PLCE1: variants seen among roughly 807,000 people sequenced by gnomAD.
The protein encoded by PLCE1 is phospholipase C epsilon 1, also known as 1-phosphatidylinositol 4,5-bisphosphate phosphodiesterase epsilon-1.
In PLCE1, 119 loss-of-function variants were observed where a neutral mutation model predicts 242.8. The observed-to-expected ratio is 0.49, with a 90% CI of 0.42 to 0.57. The LOEUF (loss-of-function observed/expected upper bound fraction) is 0.57. PLCE1 is among the 20% of genes least tolerant of loss of function. PLCE1 has a pLI of 0.00. For synonymous variants in PLCE1, 945 were observed against 1,017.4 expected (o/e 0.93, Z 1.35); for missense variants, 2,441 against 2,788.8 (o/e 0.88, Z 2.81).
At chr10:94,071,495 G>GTTTTTTTTTGTTTTTTTTGTTT (rs2044352554) in intron 2 of PLCE1, among the ~76,000 whole-genome samples, 1 of 83,314 alleles carries the variant, frequency 1.2e-5, no homozygotes, top group African/African-American at 5.4e-5. Flanking sequence ...TTTGGTTTTC[G>GTTTTTTTTTGTTTTTTTTGTTT]TTTTTTTTTT....
chr10:94,007,760 TC>T (rs78628241), intron 1 of PLCE1, among the ~76,000 whole-genome samples: 70,830 of 142,196 alleles, frequency 0.5, 18,421 homozygotes, highest in East Asian at 0.73. Context: ...TAGACTTTTT[TC>T]TATGTATTTA....
intron 2 of PLCE1, among the ~76,000 whole-genome samples, chr10:94,057,482 T>A (rs1262372581): frequency 6.6e-6 from 1 of 152,224 alleles, no homozygotes; most frequent in Non-Finnish European, 1.5e-5. Flanking sequence ...ATGACATTTG[T>A]ATGCATGTCT....
At chr10:94,193,544 T>C (rs2048732562) in intron 4 of PLCE1, among the ~76,000 whole-genome samples, 1 of 152,220 alleles carries the variant, frequency 6.6e-6, no homozygotes, top group African/African-American at 2.4e-5. Context: ...GTCATATCTC[T>C]CAGCAAGAGG....
chr10:94,161,990 A>G (rs1462433247), intron 3 of PLCE1, among the ~76,000 whole-genome samples: 3 of 152,232 alleles, frequency 2.0e-5, no homozygotes, highest in Non-Finnish European at 4.4e-5. Flanking sequence ...CCAGCCTTGC[A>G]TCCCAGGGAT....
chr10:94,102,870 C>A (rs2045589978), intron 2 of PLCE1, among the ~76,000 whole-genome samples: 1 of 152,172 alleles, frequency 6.6e-6, no homozygotes, highest in African/African-American at 2.4e-5. Context: ...CTACAAAAAG[C>A]CCTGGAATCT....
intron 4 of PLCE1, among the ~76,000 whole-genome samples, chr10:94,207,072 G>T (rs1338896589): frequency 6.6e-6 from 1 of 152,144 alleles, no homozygotes; most frequent in Non-Finnish European, 1.5e-5. Context: ...AGATACTAGT[G>T]AACCATTTAC....
intron 20 of PLCE1, among the ~76,000 whole-genome samples, chr10:94,281,309 C>T (rs2052209051): frequency 6.6e-6 from 1 of 152,088 alleles, no homozygotes; most frequent in Non-Finnish European, 1.5e-5. Context: ...TACTCCTGTG[C>T]TTTTTCTGTA....
chr10:94,237,807 C>T (rs2050373503), intron 7 of PLCE1, among the ~76,000 whole-genome samples: 1 of 152,156 alleles, frequency 6.6e-6, no homozygotes, highest in Non-Finnish European at 1.5e-5. Flanking sequence ...GGAATCCATT[C>T]CTGATTGAGA....
At chr10:94,188,227 A>G (rs906501866) in intron 4 of PLCE1, among the ~76,000 whole-genome samples, 2 of 152,234 alleles carry the variant, frequency 1.3e-5, no homozygotes, top group African/African-American at 2.4e-5. Flanking sequence ...AATATTCCCT[A>G]TAAGTAGAGA....
chr10:94,257,584 T>C (rs2051144078), intron 11 of PLCE1, among the ~76,000 whole-genome samples: 1 of 152,238 alleles, frequency 6.6e-6, no homozygotes, highest in Non-Finnish European at 1.5e-5. Context: ...TGGAATACTA[T>C]GCAGCCATAA....
At chr10:94,130,177 G>T (rs1391218569) in intron 2 of PLCE1, among the ~76,000 whole-genome samples, 1 of 152,168 alleles carries the variant, frequency 6.6e-6, no homozygotes, top group African/African-American at 2.4e-5. Context: ...GGAGCCAAGA[G>T]AATAAAACTA....
intron 22 of PLCE1, among the ~76,000 whole-genome samples, chr10:94,288,123 G>T (rs1455411134): frequency 2.0e-5 from 3 of 151,946 alleles, no homozygotes; most frequent in African/African-American, 7.3e-5. Flanking sequence ...AGTAGTTTTT[G>T]GTTACATGGA....
chr10:94,261,147 C>A (rs1024330475), intron 13 of PLCE1, among the ~76,000 whole-genome samples: 1 of 152,026 alleles, frequency 6.6e-6, no homozygotes, highest in Admixed American at 6.6e-5. Flanking sequence ...ATTTTTCCAT[C>A]CCCCCCGCGA....
intron 7 of PLCE1, 71 bp downstream of exon 7, chr10:94,236,191 T>G: frequency 7.6e-7 from 1 of 1,312,522 alleles, no homozygotes; most frequent in Non-Finnish European, 1.1e-6. Context: ...TGTTTCCTAC[T>G]TCAGCTTAGT....
chr10:94,237,421 A>T (rs997768535), intron 7 of PLCE1, among the ~76,000 whole-genome samples: 1 of 152,116 alleles, frequency 6.6e-6, no homozygotes, highest in African/African-American at 2.4e-5. Flanking sequence ...ACTTTCTTGC[A>T]TCATTTTCAC....
intron 2 of PLCE1, among the ~76,000 whole-genome samples, chr10:94,053,224 C>G (rs1459057091): frequency 1.3e-5 from 2 of 152,164 alleles, no homozygotes; most frequent in Non-Finnish European, 2.9e-5. Flanking sequence ...TTTCTCACCT[C>G]TATAATGAGA....
chr10:94,326,009 T>TTCTA (rs1360197641), intron 32 of PLCE1, among the ~76,000 whole-genome samples: 11 of 152,288 alleles, frequency 7.2e-5, no homozygotes, highest in African/African-American at 2.4e-4. Context: ...ACAAATTTCA[T>TTCTA]TCTATCTTAA....
intron 3 of PLCE1, among the ~76,000 whole-genome samples, chr10:94,153,215 A>G (rs936118672): frequency 6.6e-6 from 1 of 152,166 alleles, no homozygotes; most frequent in Admixed American, 6.6e-5. Flanking sequence ...TCTCAGTTAG[A>G]CCATACTTAA....
At chr10:94,259,677 G>A (rs1419502183) in intron 13 of PLCE1, among the ~76,000 whole-genome samples, 1 of 152,218 alleles carries the variant, frequency 6.6e-6, no homozygotes, top group East Asian at 1.9e-4. Flanking sequence ...GTGTGGTTCT[G>A]CCCATGTATT....
Sources: gnomAD v4.1 joint callset for allele counts (sites outside exome capture counted in the v4.1 genomes callset) on GRCh38, gnomAD v4.1.1 for gene constraint, MANE v1.5 for transcripts, NCBI Gene and HGNC (gene_info 2026-07-23, HGNC 2026-07-21) for gene names.